The following SHROOM4 variants were observed in gnomAD, a reference collection of about 807,000 sequenced individuals.
SHROOM4 encodes protein Shroom4.
A neutral mutation model predicts 80.3 loss-of-function variants in SHROOM4; 17 were observed. The observed-to-expected ratio is 0.21, with a 90% CI of 0.14 to 0.32. The LOEUF (loss-of-function observed/expected upper bound fraction) is 0.32, where lower values mean the gene tolerates loss of function less well. SHROOM4 is among the 10% of genes least tolerant of loss of function. The pLI, the probability that SHROOM4 is intolerant of heterozygous loss-of-function variation, is 1.00. For missense variants in SHROOM4, 993 were observed against 1,140.3 expected (o/e 0.87, Z 1.86); for synonymous variants, 400 against 437.5 (o/e 0.91, Z 1.07).
chrX:50,767,912 T>C (rs1486275690), intron 1 of SHROOM4, among the ~76,000 whole-genome samples: 2 of 111,962 alleles, frequency 1.8e-5, no homozygotes, highest in Non-Finnish European at 3.8e-5. Flanking sequence ...GGACAAGTAA[T>C]AACAAATACA....
At chrX:50,799,994 C>T (rs1936087574) in intron 1 of SHROOM4, among the ~76,000 whole-genome samples, 1 of 112,182 alleles carries the variant, frequency 8.9e-6, no homozygotes, top group Admixed American at 9.4e-5. Context: ...TTCAGGCAGC[C>T]TGGGGACAAG....
intron 1 of SHROOM4, among the ~76,000 whole-genome samples, chrX:50,722,701 AC>A (rs1364333265): frequency 9.1e-6 from 1 of 110,373 alleles, no homozygotes; most frequent in African/African-American, 3.3e-5. Flanking sequence ...CAGATGAAAA[AC>A]CTGTTCATGT....
intron 2 of SHROOM4, among the ~76,000 whole-genome samples, chrX:50,653,084 C>T (rs1277774519): frequency 9.0e-6 from 1 of 111,324 alleles, no homozygotes; most frequent in Non-Finnish European, 1.9e-5. Context: ...ATTTAAAGTA[C>T]GTTTTTCTAA....
chrX:50,813,863 AAGTT>A (rs1189881497), intron 1 of SHROOM4, 35 bp downstream of exon 1: 2 of 1,061,463 alleles, frequency 1.9e-6, no homozygotes, highest in East Asian at 3.0e-5. Flanking sequence ...TGTCCATTCA[AAGTT>A]AGGCGCCGTT....
intron 8 of SHROOM4, 79 bp from the exon 9 acceptor site, chrX:50,597,043 C>T (rs1326211712): frequency 2.8e-6 from 3 of 1,083,574 alleles, no homozygotes; most frequent in Admixed American, 4.9e-5. Flanking sequence ...CAGTACTCCA[C>T]CAGAGATGCT....
At chrX:50,804,000 G>A (rs966047146) in intron 1 of SHROOM4, among the ~76,000 whole-genome samples, 3 of 111,669 alleles carry the variant, frequency 2.7e-5, no homozygotes, top group Non-Finnish European at 5.6e-5. Context: ...GACATTACAC[G>A]AAAGCTGCCC....
At position 50,794,038 on chromosome X, in the gene SHROOM4, G is replaced by A. The variant is rs782160321; in HGVS notation, c.117+19864C>T. On this transcript the variant is annotated intron_variant, in intron 1 of 8. Transcript: ENST00000376020. ...TGAAAGTTGTATGGGTTGGGGTGGG[G>A]GTTGATGAAGATATTATGGGGCCAG... Among the ~76,000 whole-genome samples the A allele has an allele frequency of 2.7e-5, 3 of 110,561 alleles. No individual in the cohort carries two copies. The East Asian group carries it at 8.6e-4, about 32-fold the overall frequency.
At chrX:50,655,351 A>G (rs1557259350) in intron 2 of SHROOM4, among the ~76,000 whole-genome samples, 4 of 109,332 alleles carry the variant, frequency 3.7e-5, no homozygotes, top group African/African-American at 1.3e-4. Context: ...TACATTTCAC[A>G]TATGAGATCA....
intron 2 of SHROOM4, among the ~76,000 whole-genome samples, chrX:50,667,100 C>T: frequency 9.0e-6 from 1 of 111,511 alleles, no homozygotes. Context: ...GGAGCTCTCA[C>T]TCAGGATAGA....
Position 50,608,166 on chromosome X carries a change from C to T in SHROOM4, c.2976G>A (p.Lys992=), listed in dbSNP as rs1237094150. The stretch of plus-strand genomic sequence containing the variant: ...AAGGGGTTGCCCATGAAAAGCTAGT[C>T]TTGGAATGAGCCATTTCCCTGCAAA... ...SQSGREMAHS[K]TSFSWATPFH... The change falls in exon 6 of 9, where the codon AAG becomes AAA. Residue 992 remains lysine (K), a synonymous_variant. Transcript: ENST00000376020. 2.5e-6 allele frequency: 3 copies of T among 1,211,670 alleles called. No homozygotes were observed. The highest frequency in any genetic ancestry group is 3.4e-6 in the Non-Finnish European group (3 of 895,521).
intron 1 of SHROOM4, among the ~76,000 whole-genome samples, chrX:50,750,535 T>A (rs1346294082): frequency 1.8e-5 from 2 of 112,330 alleles, no homozygotes; most frequent in Non-Finnish European, 3.8e-5. Flanking sequence ...GTGCTGGGAT[T>A]ACAGGCGTGA....
chrX:50,601,367 A>G (rs1008800208), intron 7 of SHROOM4, among the ~76,000 whole-genome samples: 6 of 112,366 alleles, frequency 5.3e-5, no homozygotes, highest in African/African-American at 9.7e-5. Context: ...GGAAGCAGAC[A>G]TCTGCATCAG....
At chrX:50,609,515 A>G (rs1370864339) in intron 5 of SHROOM4, among the ~76,000 whole-genome samples, 1 of 111,027 alleles carries the variant, frequency 9.0e-6, no homozygotes, top group Non-Finnish European at 1.9e-5. Context: ...CAGACTACCT[A>G]TAAAAACATC....
intron 1 of SHROOM4, among the ~76,000 whole-genome samples, chrX:50,748,424 G>C (rs1230724587): frequency 8.9e-6 from 1 of 111,894 alleles, no homozygotes. Context: ...ATACTGTTTT[G>C]TGTGGTTCCA....
chrX:50,776,862 A>C (rs1007144844), intron 1 of SHROOM4, among the ~76,000 whole-genome samples: 4 of 108,327 alleles, frequency 3.7e-5, no homozygotes, highest in South Asian at 4.2e-4. Flanking sequence ...CTAATTTTTG[A>C]ATTTTTTCGT....
rs183089952 is a variant in SHROOM4 at position 50,652,482 on chromosome X, G to A, written c.270-14174C>T. Among the ~76,000 whole-genome samples, 462 of 111,675 alleles carry A rather than the reference G, an allele frequency of 4.1e-3. 1 individual carries two copies. The highest frequency in any genetic ancestry group is 6.7e-3 in the Non-Finnish European group (356 of 53,128). ...GATTCTGGATATTAGCCCTTTGTCA[G>A]ATGGATAGATTGCAAAAATTTTCTT... is the stretch of plus-strand genomic sequence containing the variant. On this transcript the variant is annotated intron_variant, in intron 2 of 8. Coordinates refer to ENST00000376020, the MANE Select transcript of SHROOM4 (RefSeq NM_020717.5).
intron 1 of SHROOM4, among the ~76,000 whole-genome samples, chrX:50,720,987 T>C (rs1934096777): frequency 8.9e-6 from 1 of 111,885 alleles, no homozygotes; most frequent in African/African-American, 3.3e-5. Flanking sequence ...TGTTAGGGAA[T>C]GTGGGTTTTC....
intron 5 of SHROOM4, among the ~76,000 whole-genome samples, chrX:50,622,915 T>C (rs1408366384): frequency 8.9e-6 from 1 of 112,257 alleles, no homozygotes; most frequent in East Asian, 2.8e-4. Context: ...TTTGAACTGG[T>C]GGTTCTGAAA....
At chrX:50,804,760 C>T (rs1210651570) in intron 1 of SHROOM4, among the ~76,000 whole-genome samples, 2 of 111,878 alleles carry the variant, frequency 1.8e-5, no homozygotes, top group Non-Finnish European at 3.8e-5. Context: ...TGCTATACAG[C>T]GGTCCACTAC....
Sources: gnomAD v4.1 joint callset for allele counts (sites outside exome capture counted in the v4.1 genomes callset) on GRCh38, gnomAD v4.1.1 for gene constraint, MANE v1.5 for transcripts, NCBI Gene and HGNC (gene_info 2026-07-23, HGNC 2026-07-21) for gene names.